TMEM179: variants seen among roughly 807,000 people sequenced by gnomAD.
TMEM179 encodes the protein transmembrane protein 179A.
TMEM179 carries 17 observed loss-of-function variants against 22.2 expected under a neutral mutation model. That is an observed-to-expected ratio of 0.77 (90% CI 0.52 to 1.15). The LOEUF (loss-of-function observed/expected upper bound fraction) is 1.15, where lower values mean the gene tolerates loss of function less well. TMEM179 is among the 50% of genes most tolerant of loss of function. The probability of loss-of-function intolerance (pLI) is 0.00; values close to 1 mark genes in which losing one functional copy is unlikely to be tolerated. For synonymous variants in TMEM179, 127 were observed against 140.5 expected (o/e 0.90, Z 0.68); for missense variants, 265 against 313.6 (o/e 0.84, Z 1.17).
rs534794879 is a variant in TMEM179, at chr14:104,593,412, C to T, written c.*67G>A. ...CAGGCAGAGCCCCCCAGCTGCTTCC[C>T]CAGGCAGGCCCGTGCCCCCGAGCGC... On this transcript the variant is annotated 3_prime_UTR_variant, in exon 4 of 4. Transcript: ENST00000556573. The T allele has an allele frequency of 6.6e-7, 1 of 1,525,582 alleles. No homozygotes were observed. The highest frequency in any genetic ancestry group is 1.2e-5 in the South Asian group (1 of 83,254). 94.5% of individuals were successfully genotyped at this position (1,525,582 alleles called of 1,614,324 possible).
intron 3 of TMEM179, 39 bp from the exon 4 acceptor site, chr14:104,593,697 G>A: frequency 7.0e-7 from 1 of 1,437,578 alleles, no homozygotes; most frequent in South Asian, 1.5e-5. Context: ...AGCCGTTGGG[G>A]GTCCGCTGTC....
rs1886974619 is a variant in TMEM179, at chr14:104,595,132, TG to T, written c.522+32del. On this transcript the variant is annotated intron_variant, in intron 3 of 3. Transcript: ENST00000556573. The surrounding 1 kb of genome is among the most constrained non-coding windows in gnomAD (Gnocchi z 5.7). ...GCAGTAAATGGCCCCCTCCCAGCAT[TG>T]CAAGCCTCCCTTCTTGCCCAGAGCC... 6.2e-7 allele frequency: 1 copy of T among 1,613,244 alleles called. No individual in the cohort carries two copies. The highest frequency in any genetic ancestry group is 1.3e-5 in the African/African-American group (1 of 74,888).
Position 104,604,694 on chromosome 14 carries a change from C to T in TMEM179, c.48G>A (p.Leu16=), listed in dbSNP as rs758977025. Reference sequence around the variant, plus strand: ...CCACCACGAAGCTGAACAGGAAGGCCAAGAAGTAGCAGGCGCACTGAGCGA... The same window carrying T: ...CCACCACGAAGCTGAACAGGAAGGCTAAGAAGTAGCAGGCGCACTGAGCGA... ...FLFAQCACYF[L]AFLFSFVVVV... Residue 16 remains leucine (L), a synonymous_variant, in exon 1 of 4, where the codon TTG becomes TTA. Transcript: ENST00000556573. The surrounding 1 kb of genome is among the most constrained non-coding windows in gnomAD (Gnocchi z 4.6). The T allele has an allele frequency of 2.1e-5, 34 of 1,595,232 alleles. No individual in the cohort carries two copies. In the South Asian group the frequency reaches 3.8e-4, roughly 18 times the overall value.
chr14:104,604,771 A>AGGCCGCGGGAG lies in TMEM179; in HGVS notation c.-31_-30insCTCCCGCGGCC, dbSNP rs753025452. ...GGCCCGGGCGAGAGCGGCGGCGGGA[A>AGGCCGCGGGAG]GGCCGCGGGAGGCTGCGCCGGGCGG... On this transcript the variant is annotated 5_prime_UTR_variant, in exon 1 of 4. Transcript: ENST00000556573. This position sits in a 1 kb window ranked among gnomAD's most constrained non-coding sequence, Gnocchi z 4.6. 5 of 1,432,650 alleles carry AGGCCGCGGGAG rather than the reference A, an allele frequency of 3.5e-6. No individual in the cohort carries two copies. The South Asian group carries it at 7.5e-5, about 21-fold the overall frequency. The allele number at this position is 1,432,650 out of a possible 1,614,324, so 88.7% of individuals were successfully genotyped here.
In TMEM179 at chr14:104,604,195, T is replaced by G. The variant is rs1336509244; in HGVS notation, c.305+242A>C. Among the ~76,000 whole-genome samples the G allele has an allele frequency of 6.6e-6, 1 of 151,464 alleles. No individual in the cohort carries two copies. Among genetic ancestry groups the G allele is most frequent in the African/African-American group, 2.4e-5 (1 of 41,146 alleles). On this transcript the variant is annotated intron_variant, in intron 1 of 3. Coordinates refer to ENST00000556573, the MANE Select transcript of TMEM179 (RefSeq NM_001286389.2). The surrounding 1 kb of genome is among the most constrained non-coding windows in gnomAD (Gnocchi z 4.6). ...GGAGCAGATGCCCGGAAGCGGGAGG[T>G]GATGCGCAGCTGGGGAGGGGAGGCA...
Position 104,593,545 on chromosome 14 carries a change from C to T in TMEM179, c.636G>A (p.Lys212=), listed in dbSNP as rs1458739788. The T allele has an allele frequency of 1.3e-6, 2 of 1,535,106 alleles. No individual in the cohort carries two copies. Among genetic ancestry groups the T allele is most frequent in the Admixed American group, 2.0e-5 (1 of 50,956 alleles). ...EDLLDSLIHE[K]ELLLARPSPR... Reference sequence around the variant, plus strand: ...GGGACGGCCGGGCCAGCAGCAGCTCCTTCTCGTGGATCAGGCTGTCCAGCA... The same window carrying T: ...GGGACGGCCGGGCCAGCAGCAGCTCTTTCTCGTGGATCAGGCTGTCCAGCA... The change falls in exon 4 of 4, where the codon AAG becomes AAA. Residue 212 remains lysine, a synonymous_variant. Coordinates refer to ENST00000556573, the MANE Select transcript of TMEM179 (RefSeq NM_001286389.2).
chr14:104,593,759 A>G, intron 3 of TMEM179, 101 bp from the exon 4 acceptor site: 1 of 1,314,630 alleles, frequency 7.6e-7, no homozygotes, highest in Non-Finnish European at 1.0e-6. Flanking sequence ...GGGAAAGGAC[A>G]GGACTCAGAG....
Position 104,604,583 on chromosome 14 carries a change from C to G in TMEM179, c.159G>C (p.Thr53=). The G allele has an allele frequency of 6.5e-7, 1 of 1,545,264 alleles. No individual in the cohort carries two copies. Among genetic ancestry groups the G allele is most frequent in the Non-Finnish European group, 8.7e-7 (1 of 1,149,272 alleles). Residue 53 remains threonine (T), a synonymous_variant, in exon 1 of 4, where the codon ACG becomes ACC. Transcript: ENST00000556573. This position sits in a 1 kb window ranked among gnomAD's most constrained non-coding sequence, Gnocchi z 4.6. ...TEGMWLSANL[T]VQERERFTVQ... is the part of the protein sequence containing the mutation. The stretch of plus-strand genomic sequence containing the variant: ...CCGTGAAGCGCTCGCGCTCCTGCAC[C>G]GTGAGGTTGGCGCTCAGCCACATGC...
rs567863114 is a variant in TMEM179, at chr14:104,597,001, G to A, written c.432C>T (p.Thr144=). 1.2e-5 allele frequency: 19 copies of A among 1,605,686 alleles called. No homozygotes were observed. Among genetic ancestry groups the A allele is most frequent in the East Asian group, 1.1e-4 (5 of 44,798 alleles). Residue 144 remains threonine (T), a synonymous_variant, in exon 2 of 4, where the codon ACC becomes ACT. Transcript: ENST00000556573. This position sits in a 1 kb window ranked among gnomAD's most constrained non-coding sequence, Gnocchi z 4.8. ...TGGGGCGGGCGCACCTGTGGGGTAC[G>A]GTGCCCTTCTCGGTGATGGTGTCGC... ...MWCDTITEKG[T]VPHSCEELQD... is the part of the protein sequence containing the mutation.
chr14:104,604,111 GC>G lies in TMEM179; in HGVS notation c.305+325del, dbSNP rs1887334858. 6.6e-6 allele frequency among the ~76,000 whole-genome samples: 1 copy of G among 152,218 alleles called. No individual in the cohort carries two copies. Among genetic ancestry groups the G allele is most frequent in the Non-Finnish European group, 1.5e-5 (1 of 68,038 alleles). On this transcript the variant is annotated intron_variant, in intron 1 of 3. Coordinates refer to ENST00000556573, the MANE Select transcript of TMEM179 (RefSeq NM_001286389.2). The surrounding 1 kb of genome is among the most constrained non-coding windows in gnomAD (Gnocchi z 4.6). ...GTCCTGGCGAGTGTGGCCCGGCTGA[GC>G]CCGCCCAGGAAGGTCCAGGCCTGCT...
rs1886866534 is a variant in TMEM179 at position 104,592,131 on chromosome 14, C to T, written c.*1348G>A. On this transcript the variant is annotated 3_prime_UTR_variant, in exon 4 of 4. Coordinates refer to ENST00000556573, the MANE Select transcript of TMEM179 (RefSeq NM_001286389.2). ...GCAGAGGGGCTGTCCACACAGCACCCACGGCTCCCATCACGCACACAATGC... is the reference window on the plus strand; with the variant it reads ...GCAGAGGGGCTGTCCACACAGCACCTACGGCTCCCATCACGCACACAATGC... 1 of 155,944 alleles carries T rather than the reference C, an allele frequency of 6.4e-6. No individual in the cohort carries two copies. Among genetic ancestry groups the T allele is most frequent in the Non-Finnish European group, 1.4e-5 (1 of 70,240 alleles). 9.7% of individuals were successfully genotyped at this position (155,944 alleles called of 1,614,324 possible).
At position 104,597,085 on chromosome 14, in the gene TMEM179, G is replaced by A. The variant is rs745982901; in HGVS notation, c.348C>T (p.Phe116=). 7.5e-5 allele frequency: 121 copies of A among 1,606,850 alleles called. No individual in the cohort carries two copies. In the East Asian group the frequency reaches 1.0e-3, roughly 13 times the overall value. ...SAFLNLLVSA[F]VVFLVFIAST... is the part of the protein sequence containing the mutation. ...TGGCAATGAAGACCAGGAAGACCAC[G>A]AAGGCGCTGACCAGGAGGTTCAGGA... The change falls in exon 2 of 4, where the codon TTC becomes TTT. Residue 116 remains phenylalanine, a synonymous_variant. Coordinates refer to ENST00000556573, the MANE Select transcript of TMEM179 (RefSeq NM_001286389.2). This position sits in a 1 kb window ranked among gnomAD's most constrained non-coding sequence, Gnocchi z 4.8.
At chr14:104,594,065 G>A in intron 3 of TMEM179, 5 of 1,232,738 alleles carry the variant, frequency 4.1e-6, no homozygotes, top group Non-Finnish European at 5.1e-6. Context: ...GGAATAAATT[G>A]ACCTTTAGCC....
At chr14:104,593,951 C>A in intron 3 of TMEM179, 1 of 985,420 alleles carries the variant, frequency 1.0e-6, no homozygotes, top group South Asian at 5.1e-5. Flanking sequence ...GGCCAGAGGC[C>A]CCGAGGAGGG....
intron 2 of TMEM179, among the ~76,000 whole-genome samples, chr14:104,596,361 C>T (rs1350424840): frequency 6.6e-6 from 1 of 152,186 alleles, no homozygotes; most frequent in Non-Finnish European, 1.5e-5. Context: ...TCTGGGGCCC[C>T]CCACAAGCCA....
At chr14:104,603,809 T>C (rs10220597) in intron 1 of TMEM179, among the ~76,000 whole-genome samples, 128 of 152,188 alleles carry the variant, frequency 8.4e-4, no homozygotes, top group African/African-American at 2.9e-3. Flanking sequence ...TTGTATGGGC[T>C]CCAGTATCTA....
rs1446123923 is a variant in TMEM179 at position 104,593,506 on chromosome 14, G to A, written c.675C>T (p.Phe225=). The A allele has an allele frequency of 8.5e-6, 13 of 1,535,870 alleles. No homozygotes were observed. Among genetic ancestry groups the A allele is most frequent in the Admixed American group, 2.0e-5 (1 of 50,972 alleles). Residue 225 remains phenylalanine (F), a synonymous_variant, in exon 4 of 4, where the codon TTC becomes TTT. Transcript: ENST00000556573. ...LLARPSPRTS[F]QEEKSAVI is the part of the protein sequence containing the mutation. ...AAATGACAGCGCTCTTCTCCTCTTG[G>A]AAGGAGGTGCGTGGGGACGGCCGGG...
chr14:104,594,404 A>G (rs1438980298), intron 3 of TMEM179: 1 of 1,231,744 alleles, frequency 8.1e-7, no homozygotes, highest in Non-Finnish European at 1.0e-6. Flanking sequence ...ACCTGAAGCC[A>G]GCGGGCCCTG....
At chr14:104,600,220 G>A (rs1678357192) in intron 1 of TMEM179, among the ~76,000 whole-genome samples, 1 of 152,206 alleles carries the variant, frequency 6.6e-6, no homozygotes, top group South Asian at 2.1e-4. Context: ...GAGGTCACAG[G>A]GCCACCCAGC....
Sources: allele counts gnomAD v4.1 joint callset (sites outside exome capture counted in the v4.1 genomes callset), GRCh38; gene constraint gnomAD v4.1.1; non-coding constraint Gnocchi (gnomAD v3.1); transcripts MANE v1.5; gene names NCBI Gene and HGNC (gene_info 2026-07-23, HGNC 2026-07-21).